Variants in MRC1 observed in about 807,000 individuals in gnomAD.
MRC1 encodes the protein mannose receptor C-type 1, also known as macrophage mannose receptor 1.
MRC1 carries 62 observed loss-of-function variants against 102.9 expected under a neutral mutation model. The ratio of observed to expected loss-of-function variants is 0.60; its 90% CI spans 0.49 to 0.74. The LOEUF (loss-of-function observed/expected upper bound fraction) is 0.74, where lower values mean the gene tolerates loss of function less well. MRC1 is among the 30% of genes least tolerant of loss of function. The pLI is 0.00. For synonymous variants in MRC1, 457 were observed against 298.4 expected (o/e 1.53, Z -5.48); for missense variants, 1,237 against 862.8 (o/e 1.43, Z -5.43).
chr10:17,816,188 A>G lies in MRC1; in HGVS notation c.61+6662A>G, dbSNP rs1389203545. Among the ~76,000 whole-genome samples, 4 of 152,256 alleles carry G rather than the reference A, an allele frequency of 2.6e-5. No homozygotes were observed. In the East Asian group the frequency reaches 5.8e-4, roughly 22 times the overall value. On this transcript the variant is annotated intron_variant, in intron 1 of 29. Transcript: ENST00000569591. ...GGTGCAGGGTAAATATTTGTTTTTCACTGAATTTGGGGTCTTTGGGGAAAA... is the reference window on the plus strand; with the variant it reads ...GGTGCAGGGTAAATATTTGTTTTTCGCTGAATTTGGGGTCTTTGGGGAAAA...
chr10:17,817,181 C>T (rs953779718), intron 1 of MRC1, among the ~76,000 whole-genome samples: 18 of 142,336 alleles, frequency 1.3e-4, no homozygotes, highest in Non-Finnish European at 2.0e-4. Flanking sequence ...ACCTGGGAGG[C>T]GGAGGTTGCA....
At chr10:17,816,356 A>G (rs904967589) in intron 1 of MRC1, among the ~76,000 whole-genome samples, 147 of 152,222 alleles carry the variant, frequency 9.7e-4, no homozygotes, top group Non-Finnish European at 9.4e-4. Context: ...CTGACAGGGT[A>G]ACGGGGAAGT....
Position 17,823,250 on chromosome 10 carries a change from A to G in MRC1, c.238A>G (p.Lys80Glu), listed in dbSNP as rs1462874588. The stretch of plus-strand genomic sequence containing the variant: ...TAAATTATGCCTGGGAGTGCCATCA[A>G]AAACGGACTGGGTTGCTATCACTCT... Reference protein sequence around the residue: ...AFKLCLGVPSKTDWVAITLYA... With the variant: ...AFKLCLGVPSETDWVAITLYA... Residue 80 changes from lysine (K) to glutamate (E), a missense_variant, in exon 2 of 30, where the codon AAA becomes GAA. Transcript: ENST00000569591. 6.4e-6 allele frequency: 5 copies of G among 780,480 alleles called. No homozygotes were observed. Among genetic ancestry groups the G allele is most frequent in the Admixed American group, 1.7e-5 (1 of 58,986 alleles). The allele number at this position is 780,480 out of a possible 1,614,324, so 48.3% of individuals were successfully genotyped here. A position where few individuals can be genotyped will look rare whatever the true frequency, so the allele number is the denominator to read the frequency against.
At chr10:17,829,476 G>C (rs1289462877) in intron 3 of MRC1, among the ~76,000 whole-genome samples, 1 of 151,492 alleles carries the variant, frequency 6.6e-6, no homozygotes, top group Admixed American at 6.6e-5. Context: ...CGACACTGCT[G>C]CCTCGGTCTT....
intron 29 of MRC1, 87 bp downstream of exon 29, chr10:17,909,434 C>T (rs995406677): frequency 1.3e-6 from 1 of 768,696 alleles, no homozygotes; most frequent in Non-Finnish European, 2.4e-6. Context: ...TCCCTTCCAA[C>T]TCCCCTGCTC....
At chr10:17,867,737 A>G (rs1833297159) in intron 12 of MRC1, among the ~76,000 whole-genome samples, 1 of 152,186 alleles carries the variant, frequency 6.6e-6, no homozygotes, top group Non-Finnish European at 1.5e-5. Context: ...TCGTCTTGAT[A>G]GAAATTTCTG....
intron 13 of MRC1, 139 bp from the exon 14 acceptor site, chr10:17,870,709 A>C (rs1833342923): frequency 1.3e-6 from 1 of 765,948 alleles, no homozygotes; most frequent in Non-Finnish European, 2.4e-6. Flanking sequence ...TAAGTCTTCT[A>C]TTTAGCTGTT....
At chr10:17,846,628 C>G (rs1554840247) in intron 6 of MRC1, among the ~76,000 whole-genome samples, 1 of 152,158 alleles carries the variant, frequency 6.6e-6, no homozygotes, top group Non-Finnish European at 1.5e-5. Context: ...TATTCTGTGA[C>G]TATATAAACA....
Position 17,845,436 on chromosome 10 carries a change from G to A in MRC1, c.1063+1G>A. The stretch of plus-strand genomic sequence containing the variant: ...TTAAATTCTTTTGTTATTCCCTCAG[G>A]TAAGTGATCTATGGGATCTGAAGTG... On this transcript the variant is annotated splice_donor_variant, in intron 6 of 29. Transcript: ENST00000569591. LOFTEE classifies it high-confidence loss of function. 1 of 780,836 alleles carries A rather than the reference G, an allele frequency of 1.3e-6. No homozygotes were observed. The highest frequency in any genetic ancestry group is 2.4e-6 in the Non-Finnish European group (1 of 417,938). The allele number at this position is 780,836 out of a possible 1,614,324, so 48.4% of individuals were successfully genotyped here.
chr10:17,882,961 C>T (rs1833539723), intron 21 of MRC1, among the ~76,000 whole-genome samples: 1 of 152,080 alleles, frequency 6.6e-6, no homozygotes, highest in African/African-American at 2.4e-5. Context: ...AACATTATTC[C>T]TGGCAAAACA....
intron 21 of MRC1, among the ~76,000 whole-genome samples, chr10:17,881,398 G>T (rs1409951531): frequency 6.6e-6 from 1 of 152,138 alleles, no homozygotes; most frequent in Non-Finnish European, 1.5e-5. Context: ...TAAGAAGCAG[G>T]TATTATGACC....
chr10:17,870,159 G>T (rs1438252342), intron 12 of MRC1, 87 bp from the exon 13 acceptor site: 12 of 716,012 alleles, frequency 1.7e-5, no homozygotes, highest in Non-Finnish European at 2.6e-5. Flanking sequence ...TTCTGTAAAT[G>T]AACTCTCATC....
chr10:17,909,353 G>A lies in MRC1; in HGVS notation c.4120+6G>A. Reference sequence around the variant, plus strand: ...TGAATTACTTACAACAAAAGGTAAGGCCATTGCAAAATTTCAAGTTCTGTG... The same window carrying A: ...TGAATTACTTACAACAAAAGGTAAGACCATTGCAAAATTTCAAGTTCTGTG... On this transcript the variant is annotated splice_donor_region_variant and intron_variant, in intron 29 of 29. Coordinates refer to ENST00000569591, the MANE Select transcript of MRC1 (RefSeq NM_002438.4). 1.1e-6 allele frequency: 1 copy of A among 871,532 alleles called. No homozygotes were observed. Among genetic ancestry groups the A allele is most frequent in the Non-Finnish European group, 2.0e-6 (1 of 500,820 alleles). 54.0% of individuals were successfully genotyped at this position (871,532 alleles called of 1,614,324 possible). A position where few individuals can be genotyped will look rare whatever the true frequency, so the allele number is the denominator to read the frequency against.
intron 7 of MRC1, among the ~76,000 whole-genome samples, chr10:17,850,083 C>G (rs1360261863): frequency 6.6e-6 from 1 of 151,856 alleles, no homozygotes; most frequent in Non-Finnish European, 1.5e-5. Context: ...CACTTGTGAA[C>G]AATGCTTAAT....
At chr10:17,836,417 A>G (rs1838663024) in intron 4 of MRC1, among the ~76,000 whole-genome samples, 2 of 152,174 alleles carry the variant, frequency 1.3e-5, no homozygotes, top group African/African-American at 4.8e-5. Flanking sequence ...CACAAAAATA[A>G]GGAGGAAGAG....
In MRC1 at chr10:17,853,100, G is replaced by A. The variant is rs879202173; in HGVS notation, c.1383G>A (p.Glu461=). The A allele has an allele frequency of 0.016, 12,839 of 780,796 alleles. 253 individuals are homozygous for A. The highest frequency in any genetic ancestry group is 0.073 in the African/African-American group (4,320 of 59,226). The allele number at this position is 780,796 out of a possible 1,614,324, so 48.4% of individuals were successfully genotyped here. A position where few individuals can be genotyped will look rare whatever the true frequency, so the allele number is the denominator to read the frequency against. Residue 461 remains glutamate (E), a synonymous_variant, in exon 8 of 30, where the codon GAG becomes GAA. Coordinates refer to ENST00000569591, the MANE Select transcript of MRC1 (RefSeq NM_002438.4). The part of the protein sequence containing the change: ...GEPSHENNRQ[E]DCVVMKGKDG... ...CAAGCCATGAAAACAACAGACAGGA[G>A]GATTGTGTGGTGATGAAAGGCAAGG...
intron 19 of MRC1, 138 bp from the exon 20 acceptor site, chr10:17,880,387 T>C: frequency 1.4e-6 from 1 of 698,818 alleles, no homozygotes; most frequent in Non-Finnish European, 2.6e-6. Flanking sequence ...TGGATACCTC[T>C]AGTCACATAT....
intron 3 of MRC1, among the ~76,000 whole-genome samples, chr10:17,828,609 G>A (rs1421480191): frequency 6.6e-6 from 1 of 151,464 alleles, no homozygotes; most frequent in Non-Finnish European, 1.5e-5. Flanking sequence ...CATCAAAAGT[G>A]TTCTTCACAG....
intron 12 of MRC1, among the ~76,000 whole-genome samples, chr10:17,869,519 TC>T (rs2130674219): frequency 6.6e-6 from 1 of 152,264 alleles, no homozygotes; most frequent in East Asian, 1.9e-4. Flanking sequence ...CACGATTACC[TC>T]CTTTCTATTT....
Sources: allele counts gnomAD v4.1 joint callset (sites outside exome capture counted in the v4.1 genomes callset), GRCh38; gene constraint gnomAD v4.1.1; transcripts MANE v1.5; gene names NCBI Gene and HGNC (gene_info 2026-07-23, HGNC 2026-07-21).